The following ANKRD45 variants were observed in gnomAD, a reference collection of about 807,000 sequenced individuals.
ANKRD45 encodes the protein ankyrin repeat domain-containing protein 45.
ANKRD45 carries 21 observed loss-of-function variants against 28.1 expected under a neutral mutation model. The observed-to-expected ratio is 0.75, with a 90% CI of 0.53 to 1.08. ANKRD45 has a LOEUF of 1.08. Ranked by LOEUF, ANKRD45 falls within the 50% of genes least tolerant of loss-of-function variation. The pLI is 0.00. For missense variants in ANKRD45, 261 were observed against 308.7 expected (o/e 0.85, Z 1.16); for synonymous variants, 86 against 103.9 (o/e 0.83, Z 1.05).
chr1:173,629,424 A>G (rs1668088632), intron 3 of ANKRD45, among the ~76,000 whole-genome samples: 1 of 152,204 alleles, frequency 6.6e-6, no homozygotes, highest in South Asian at 2.1e-4. Context: ...GAAAGAATTC[A>G]GAATCCTATC....
the ANKRD45 span, among the ~76,000 whole-genome samples, chr1:173,705,487 ACT>A: frequency 6.7e-6 from 1 of 149,620 alleles, no homozygotes; most frequent in Non-Finnish European, 1.5e-5. Flanking sequence ...CCACGGTGAA[ACT>A]CTGTCTCTAT....
At chr1:173,673,640 T>G (rs939056679), upstream of ANKRD45, among the ~76,000 whole-genome samples, 1 of 152,114 alleles carries the variant, frequency 6.6e-6, no homozygotes, top group Non-Finnish European at 1.5e-5. Context: ...ATATTATTCT[T>G]GAAACCGACA....
intron 3 of ANKRD45, among the ~76,000 whole-genome samples, chr1:173,631,492 T>C (rs567126849): frequency 4.3e-4 from 65 of 152,256 alleles, no homozygotes; most frequent in African/African-American, 1.6e-3. Context: ...ATGGACCTAC[T>C]AGATATTTAC....
intron 3 of ANKRD45, among the ~76,000 whole-genome samples, chr1:173,628,385 G>A (rs1668033910): frequency 6.6e-6 from 1 of 151,962 alleles, no homozygotes; most frequent in Non-Finnish European, 1.5e-5. Context: ...GCCTGGCCTG[G>A]ACCAGAGGAG....
At chr1:173,636,907 C>T (rs756939695) in intron 3 of ANKRD45, 1 of 1,535,858 alleles carries the variant, frequency 6.5e-7, no homozygotes, top group Admixed American at 2.0e-5. Flanking sequence ...AAACACTCCA[C>T]AGAGTGGCAA....
At chr1:173,677,555 G>C in the ANKRD45 span, among the ~76,000 whole-genome samples, 1 of 152,040 alleles carries the variant, frequency 6.6e-6, no homozygotes, top group African/African-American at 2.4e-5. Flanking sequence ...TTGAGGAGTT[G>C]AATGGTGTTA....
At position 173,613,486 on chromosome 1, in the gene ANKRD45, G is replaced by A. The variant is rs573206232; in HGVS notation, c.731-3271C>T. On this transcript the variant is annotated intron_variant, in intron 5 of 5. Coordinates refer to ENST00000333279, the MANE Select transcript of ANKRD45 (RefSeq NM_198493.3). ...GGGGGCAGCCCCCGCCCGGCCAGCC[G>A]CCCCGTCCGGGAGGGAGGTGGGGGC... 2.3e-3 allele frequency among the ~76,000 whole-genome samples: 341 copies of A among 147,552 alleles called. 1 individual carries two copies. The highest frequency in any genetic ancestry group is 4.2e-3 in the Admixed American group (63 of 15,012).
At chr1:173,714,688 T>A in the ANKRD45 span, among the ~76,000 whole-genome samples, 1,888 of 152,332 alleles carry the variant, frequency 0.012, 38 homozygotes, top group African/African-American at 0.041. Flanking sequence ...TACCCTTTAC[T>A]GCCTTTGCTG....
intron 3 of ANKRD45, among the ~76,000 whole-genome samples, chr1:173,643,226 T>G (rs1438841683): frequency 6.8e-6 from 1 of 146,578 alleles, no homozygotes; most frequent in Non-Finnish European, 1.5e-5. Context: ...CAGGCTGGAG[T>G]GTAGTGGCTC....
At chr1:173,714,055 C>T in the ANKRD45 span, among the ~76,000 whole-genome samples, 2 of 152,098 alleles carry the variant, frequency 1.3e-5, no homozygotes, top group African/African-American at 2.4e-5. Flanking sequence ...GTATCCTTTC[C>T]CCTCAGAAAC....
intron 5 of ANKRD45, among the ~76,000 whole-genome samples, chr1:173,623,110 G>A (rs2102322943): frequency 6.6e-6 from 1 of 152,016 alleles, no homozygotes; most frequent in Non-Finnish European, 1.5e-5. Flanking sequence ...GAGGTCAGGA[G>A]TTCAAGACCA....
chr1:173,678,412 C>T, the ANKRD45 span, among the ~76,000 whole-genome samples: 17 of 152,204 alleles, frequency 1.1e-4, 1 homozygote, highest in African/African-American at 2.4e-4. Flanking sequence ...GTTCAACATA[C>T]GCAAATCATT....
chr1:173,687,649 C>T, the ANKRD45 span, among the ~76,000 whole-genome samples: 109 of 152,172 alleles, frequency 7.2e-4, no homozygotes, highest in African/African-American at 2.4e-3. Flanking sequence ...ATTATTAATA[C>T]GACCTTGTTT....
intron 1 of ANKRD45, among the ~76,000 whole-genome samples, chr1:173,663,015 T>C (rs533818186): frequency 6.6e-6 from 1 of 151,474 alleles, no homozygotes; most frequent in East Asian, 1.9e-4. Flanking sequence ...TGGAAACTTA[T>C]AATTCTTCAG....
At chr1:173,610,993 A>C (rs971334571) in intron 5 of ANKRD45, among the ~76,000 whole-genome samples, 1 of 152,156 alleles carries the variant, frequency 6.6e-6, no homozygotes, top group African/African-American at 2.4e-5. Flanking sequence ...CCTTTAAATG[A>C]CATCCCACTG....
intron 3 of ANKRD45, 125 bp downstream of exon 3, chr1:173,646,721 A>G: frequency 1.1e-6 from 1 of 926,696 alleles, no homozygotes; most frequent in Non-Finnish European, 1.6e-6. Context: ...ATGTATTATC[A>G]CCAACTGTGA....
chr1:173,617,920 G>C (rs927996577), intron 5 of ANKRD45, among the ~76,000 whole-genome samples: 1 of 152,206 alleles, frequency 6.6e-6, no homozygotes, highest in African/African-American at 2.4e-5. Flanking sequence ...AGCTCCCAAA[G>C]AAAAGAGCAG....
intron 2 of ANKRD45, among the ~76,000 whole-genome samples, chr1:173,651,512 G>C (rs1159089085): frequency 6.6e-6 from 1 of 152,176 alleles, no homozygotes; most frequent in Non-Finnish European, 1.5e-5. Flanking sequence ...AGTATAGTTT[G>C]AAGTTAGGTA....
the ANKRD45 span, among the ~76,000 whole-genome samples, chr1:173,679,486 C>T: frequency 1.1e-4 from 16 of 152,170 alleles, no homozygotes; most frequent in Non-Finnish European, 2.1e-4. Flanking sequence ...GGAAAACTGG[C>T]TAGCCATATG....
Sources: gnomAD v4.1 joint callset for allele counts (sites outside exome capture counted in the v4.1 genomes callset) on GRCh38, gnomAD v4.1.1 for gene constraint, MANE v1.5 for transcripts, NCBI Gene and HGNC (gene_info 2026-07-23, HGNC 2026-07-21) for gene names.